Variants in LRRC9 observed in about 807,000 individuals in gnomAD.
LRRC9 encodes leucine-rich repeat-containing protein 9.
In LRRC9, 122 loss-of-function variants were observed where a neutral mutation model predicts 63.2. The ratio of observed to expected loss-of-function variants is 1.93; its 90% CI spans 1.67 to 2.24. LRRC9 has a LOEUF of 2.24. LRRC9 is among the 30% of genes most tolerant of loss of function. The pLI, the probability that LRRC9 is intolerant of heterozygous loss-of-function variation, is 0.00. For synonymous variants in LRRC9, 366 were observed against 213.1 expected, an observed-to-expected ratio of 1.72 and a Z score of -6.25; for missense variants, 1,071 against 627.7, an observed-to-expected ratio of 1.71 and a Z score of -7.55.
chr14:60,028,864 G>A (rs953763434), intron 28 of LRRC9, among the ~76,000 whole-genome samples: 6 of 151,980 alleles, frequency 3.9e-5, no homozygotes, highest in East Asian at 1.9e-4. Flanking sequence ...CATAGTACCC[G>A]GTACATAATA....
intron 26 of LRRC9, among the ~76,000 whole-genome samples, chr14:60,021,971 T>C (rs1427071249): frequency 2.6e-5 from 4 of 151,808 alleles, no homozygotes; most frequent in African/African-American, 4.8e-5. Flanking sequence ...TCTAGATTCT[T>C]TGCATTTCTT....
chr14:59,977,904 T>C, intron 14 of LRRC9, 113 bp from the exon 15 acceptor site: 1 of 513,142 alleles, frequency 1.9e-6, no homozygotes, highest in Admixed American at 3.5e-5. Context: ...TCTTCAATAA[T>C]ATAACTGTTG....
Position 59,927,109 on chromosome 14 carries a change from T to G in LRRC9, c.-33-802T>G, listed in dbSNP as rs1466287862. Among the ~76,000 whole-genome samples, 2 of 152,118 alleles carry G rather than the reference T, an allele frequency of 1.3e-5. No individual in the cohort carries two copies. Among genetic ancestry groups the G allele is most frequent in the African/African-American group, 4.8e-5 (2 of 41,446 alleles). ...CAACTTAGTATATATCTTTCCATAT[T>G]TTCTCCTGACAATAATTATACATAT... On this transcript the variant is annotated intron_variant, in intron 1 of 31. Coordinates refer to ENST00000445360, the Ensembl canonical transcript of LRRC9. This position sits in a 1 kb window ranked among gnomAD's most constrained non-coding sequence, Gnocchi z 4.4.
chr14:59,922,444 G>T lies in LRRC9; in HGVS notation c.-34+2561G>T, dbSNP rs1048523106. Reference sequence around the variant, plus strand: ...GCTATTCATAGAAGAATATAGGAGAGACTTTTTAAGATAGGAAAGACTTAA... The same window carrying T: ...GCTATTCATAGAAGAATATAGGAGATACTTTTTAAGATAGGAAAGACTTAA... On this transcript the variant is annotated intron_variant, in intron 1 of 31. Transcript: ENST00000445360. The surrounding 1 kb of genome is among the most constrained non-coding windows in gnomAD (Gnocchi z 5.3). 6.6e-6 allele frequency among the ~76,000 whole-genome samples: 1 copy of T among 152,090 alleles called. No homozygotes were observed. Among genetic ancestry groups the T allele is most frequent in the African/African-American group, 2.4e-5 (1 of 41,408 alleles).
At chr14:59,931,706 C>A in intron 5 of LRRC9, 24 bp downstream of exon 5, 1 of 670,782 alleles carries the variant, frequency 1.5e-6, no homozygotes, top group African/African-American at 1.8e-5. Context: ...CATTTGGAAT[C>A]TGAGATAATG....
At chr14:59,987,835 G>A (rs1887648480) in intron 17 of LRRC9, among the ~76,000 whole-genome samples, 1 of 152,150 alleles carries the variant, frequency 6.6e-6, no homozygotes, top group Non-Finnish European at 1.5e-5. Context: ...TTTACAAAGA[G>A]ACATTTCTCA....
rs117248654 is a variant in LRRC9, at chr14:60,017,745, T to C, written c.3318-626T>C. The stretch of plus-strand genomic sequence containing the variant: ...GTTTAGGATTTATTTAGAGAACTGG[T>C]TAGGGAAAGGGATGTAGTTTTATGC... On this transcript the variant is annotated intron_variant, in intron 24 of 31. Coordinates refer to ENST00000445360, the Ensembl canonical transcript of LRRC9. This position sits in a 1 kb window ranked among gnomAD's most constrained non-coding sequence, Gnocchi z 4.0. Among the ~76,000 whole-genome samples, 2,187 of 152,202 alleles carry C rather than the reference T, an allele frequency of 0.014. 30 individuals carry two copies. The highest frequency in any genetic ancestry group is 0.035 in the South Asian group (167 of 4,822).
At chr14:60,008,375 T>A (rs774686834) in intron 23 of LRRC9, among the ~76,000 whole-genome samples, 161 bp downstream of exon 23, 23 of 152,304 alleles carry the variant, frequency 1.5e-4, no homozygotes, top group Non-Finnish European at 2.9e-4. Flanking sequence ...CTGGGTTTTT[T>A]AATTTTGTCA....
intron 23 of LRRC9, among the ~76,000 whole-genome samples, chr14:60,015,277 T>C (rs1890584646): frequency 6.6e-6 from 1 of 152,218 alleles, no homozygotes; most frequent in African/African-American, 2.4e-5. Context: ...ATTTGTGTCA[T>C]TTCAAAGTTG....
At chr14:60,002,316 C>T (rs1030432189) in intron 20 of LRRC9, among the ~76,000 whole-genome samples, 3 of 152,096 alleles carry the variant, frequency 2.0e-5, no homozygotes, top group African/African-American at 4.8e-5. Flanking sequence ...TAACTTTAGT[C>T]GTTAAAGTTA....
chr14:59,977,653 A>G (rs1886450968), intron 14 of LRRC9, among the ~76,000 whole-genome samples: 1 of 151,974 alleles, frequency 6.6e-6, no homozygotes, highest in Non-Finnish European at 1.5e-5. Flanking sequence ...AGAGTTTTAG[A>G]GAAATACGTT....
At chr14:59,979,915 T>C (rs562951880) in intron 15 of LRRC9, among the ~76,000 whole-genome samples, 1 of 151,836 alleles carries the variant, frequency 6.6e-6, no homozygotes, top group Admixed American at 6.6e-5. Context: ...CATGTATACA[T>C]ATGTAACTAA....
In LRRC9 at chr14:60,012,836, G is replaced by A. The variant is rs1566875426; in HGVS notation, c.3187-3824G>A. Among the ~76,000 whole-genome samples, 6 of 152,066 alleles carry A rather than the reference G, an allele frequency of 3.9e-5. No individual in the cohort carries two copies. In the South Asian group the frequency reaches 6.2e-4, roughly 16 times the overall value. On this transcript the variant is annotated intron_variant, in intron 23 of 31. Coordinates refer to ENST00000445360, the Ensembl canonical transcript of LRRC9. Reference sequence around the variant, plus strand: ...CATTTGTCAGCCCCTGATTTAGGAGGACATTAATCATATGTTGCTTGTATA... The same window carrying A: ...CATTTGTCAGCCCCTGATTTAGGAGAACATTAATCATATGTTGCTTGTATA...
exon 22 of LRRC9, chr14:60,006,496 C>T (rs940205395): frequency 2.3e-5 from 16 of 702,022 alleles, no homozygotes; most frequent in Middle Eastern, 2.3e-4. Flanking sequence ...CATCTTCACT[C>T]GCTTTCTCTT....
rs1462502714 is a variant in LRRC9 at position 59,986,363 on chromosome 14, C to T, written c.2211+1139C>T. ...ATTCATTCTTTATTCCAGCTCCTTG[C>T]TACTATATCAAAGCCTTTACATTAT... On this transcript the variant is annotated intron_variant, in intron 17 of 31. Coordinates refer to ENST00000445360, the Ensembl canonical transcript of LRRC9. This position sits in a 1 kb window ranked among gnomAD's most constrained non-coding sequence, Gnocchi z 4.7. 1.3e-5 allele frequency among the ~76,000 whole-genome samples: 2 copies of T among 152,148 alleles called. No homozygotes were observed. The highest frequency in any genetic ancestry group is 2.9e-5 in the Non-Finnish European group (2 of 68,012).
intron 29 of LRRC9, among the ~76,000 whole-genome samples, chr14:60,052,170 T>C (rs1481655622): frequency 6.6e-6 from 1 of 152,154 alleles, no homozygotes; most frequent in East Asian, 1.9e-4. Flanking sequence ...CACCACTGTA[T>C]GCCTTTTAAT....
At chr14:59,924,731 T>C (rs1180022025) in intron 1 of LRRC9, among the ~76,000 whole-genome samples, 1 of 152,140 alleles carries the variant, frequency 6.6e-6, no homozygotes, top group Non-Finnish European at 1.5e-5. Context: ...CATAATAAAA[T>C]ACAAAATCCT....
At chr14:60,007,562 T>C (rs954296727) in intron 22 of LRRC9, among the ~76,000 whole-genome samples, 1 of 152,180 alleles carries the variant, frequency 6.6e-6, no homozygotes, top group Non-Finnish European at 1.5e-5. Flanking sequence ...TTATTCCTGT[T>C]ATATCTATAT....
rs1890771521 is a variant in LRRC9 at position 60,017,311 on chromosome 14, T to G, written c.3317+521T>G. Among the ~76,000 whole-genome samples, 1 of 152,174 alleles carries G rather than the reference T, an allele frequency of 6.6e-6. No homozygotes were observed. Among genetic ancestry groups the G allele is most frequent in the East Asian group, 1.9e-4 (1 of 5,192 alleles). ...AGAAATTCTGAAATATTCTAGTTAC[T>G]GAATCTCAATCATAAGATGTTCTTT... On this transcript the variant is annotated intron_variant, in intron 24 of 31. Coordinates refer to ENST00000445360, the Ensembl canonical transcript of LRRC9. The surrounding 1 kb of genome is among the most constrained non-coding windows in gnomAD (Gnocchi z 4.0).
Sources: allele counts gnomAD v4.1 joint callset (sites outside exome capture counted in the v4.1 genomes callset), GRCh38; gene constraint gnomAD v4.1.1; non-coding constraint Gnocchi (gnomAD v3.1); transcripts MANE v1.5; gene names NCBI Gene and HGNC (gene_info 2026-07-23, HGNC 2026-07-21).